The following B4GALT6 variants were observed in gnomAD, a reference collection of about 807,000 sequenced individuals.
The protein encoded by B4GALT6 is beta-1,4-galactosyltransferase 6.
A neutral mutation model predicts 46.3 loss-of-function variants in B4GALT6; 14 were observed. The ratio of observed to expected loss-of-function variants is 0.30; its 90% confidence interval spans 0.20 to 0.47. The LOEUF (loss-of-function observed/expected upper bound fraction) is 0.47, where lower values mean the gene tolerates loss of function less well. Among genes scored for constraint, B4GALT6 ranks in the 20% least tolerant of loss-of-function variants. The probability of loss-of-function intolerance (pLI) is 0.99; values close to 1 mark genes in which losing one functional copy is unlikely to be tolerated. For missense variants in B4GALT6, 386 were observed against 480.1 expected, an observed-to-expected ratio of 0.80 and a Z score of 1.83; for synonymous variants, 168 against 162.0, an observed-to-expected ratio of 1.04 and a Z score of -0.28.
upstream of B4GALT6, among the ~76,000 whole-genome samples, chr18:31,688,886 C>T (rs2030018139): frequency 6.6e-6 from 1 of 152,184 alleles, no homozygotes; most frequent in Admixed American, 6.5e-5. Context: ...TCTTCACACA[C>T]ATTATTTTGC....
intron 1 of B4GALT6, among the ~76,000 whole-genome samples, chr18:31,675,682 G>A (rs1363258084): frequency 6.6e-6 from 1 of 152,124 alleles, no homozygotes; most frequent in African/African-American, 2.4e-5. Context: ...AATCAAGGAA[G>A]GAAGAATGCA....
chr18:31,626,757 T>A (rs1364154105), intron 7 of B4GALT6, among the ~76,000 whole-genome samples: 1 of 152,108 alleles, frequency 6.6e-6, no homozygotes, highest in African/African-American at 2.4e-5. Context: ...GGAAAAATTA[T>A]CTTCCAGGAG....
At chr18:31,652,309 C>T (rs1019966885) in intron 3 of B4GALT6, among the ~76,000 whole-genome samples, 25 of 152,168 alleles carry the variant, frequency 1.6e-4, no homozygotes, top group African/African-American at 5.8e-4. Context: ...GTTCTCCATT[C>T]GTTTTCTGCA....
the B4GALT6 span, among the ~76,000 whole-genome samples, chr18:31,693,382 G>A: frequency 6.6e-6 from 1 of 152,126 alleles, no homozygotes; most frequent in Non-Finnish European, 1.5e-5. Flanking sequence ...GAATGTCATA[G>A]ATGAATATGT....
chr18:31,636,049 A>C (rs1260245654), intron 5 of B4GALT6, among the ~76,000 whole-genome samples: 1 of 152,236 alleles, frequency 6.6e-6, no homozygotes, highest in East Asian at 1.9e-4. Context: ...GATTTTCAAC[A>C]AAGATGCTAA....
intron 6 of B4GALT6, among the ~76,000 whole-genome samples, chr18:31,629,456 T>TTTTTA: frequency 3.0e-5 from 3 of 99,758 alleles, no homozygotes; most frequent in African/African-American, 1.6e-4. Flanking sequence ...GATTTTTTTT[T>TTTTTA]TTTTTTTTTT....
At chr18:31,701,218 G>A in the B4GALT6 span, among the ~76,000 whole-genome samples, 1 of 152,168 alleles carries the variant, frequency 6.6e-6, no homozygotes. Context: ...CCTTGGTGCT[G>A]TTCTTGTGGT....
intron 1 of B4GALT6, among the ~76,000 whole-genome samples, chr18:31,675,003 A>T (rs2074399928): frequency 6.6e-6 from 1 of 152,224 alleles, no homozygotes; most frequent in Non-Finnish European, 1.5e-5. Context: ...AAGCTGACAG[A>T]GTCTGCAAGA....
chr18:31,642,402 A>T (rs2073940828), intron 4 of B4GALT6, among the ~76,000 whole-genome samples: 2 of 152,200 alleles, frequency 1.3e-5, no homozygotes, highest in Admixed American at 6.5e-5. Context: ...GCCAAGACTC[A>T]TCTTTGAGGT....
chr18:31,712,287 A>ACTTTTT, the B4GALT6 span, among the ~76,000 whole-genome samples: 330 of 84,636 alleles, frequency 3.9e-3, 32 homozygotes, highest in African/African-American at 0.015. Flanking sequence ...CTGGGACGTT[A>ACTTTTT]TTTTTTTTTT....
the B4GALT6 span, among the ~76,000 whole-genome samples, chr18:31,710,261 C>A: frequency 6.6e-6 from 1 of 152,034 alleles, no homozygotes; most frequent in African/African-American, 2.4e-5. Context: ...ACTTGAATAA[C>A]AATGAAGCAT....
the B4GALT6 span, among the ~76,000 whole-genome samples, chr18:31,704,975 G>A: frequency 4.5e-4 from 69 of 152,180 alleles, no homozygotes; most frequent in African/African-American, 1.5e-3. Flanking sequence ...AGAATTTGAC[G>A]TAACTTGTAA....
At chr18:31,642,828 G>A (rs555634584) in intron 4 of B4GALT6, among the ~76,000 whole-genome samples, 32 of 152,296 alleles carry the variant, frequency 2.1e-4, no homozygotes, top group African/African-American at 7.7e-4. Context: ...GGGATTACAA[G>A]CCTGCACCAC....
At chr18:31,661,954 T>C (rs2074222562) in intron 2 of B4GALT6, among the ~76,000 whole-genome samples, 1 of 152,188 alleles carries the variant, frequency 6.6e-6, no homozygotes, top group Non-Finnish European at 1.5e-5. Flanking sequence ...TTGGGCTCCT[T>C]CTCTTAGCCA....
chr18:31,689,710 C>T (rs1226769115), upstream of B4GALT6, among the ~76,000 whole-genome samples: 1 of 152,144 alleles, frequency 6.6e-6, no homozygotes, highest in Non-Finnish European at 1.5e-5. Context: ...CACCACCGCA[C>T]TCCATCCTGA....
upstream of B4GALT6, among the ~76,000 whole-genome samples, chr18:31,688,730 T>C (rs1418126971): frequency 6.6e-6 from 1 of 152,146 alleles, no homozygotes; most frequent in African/African-American, 2.4e-5. Flanking sequence ...AGTATTATTA[T>C]GTCCTTCTGA....
At chr18:31,716,370 T>C in the B4GALT6 span, among the ~76,000 whole-genome samples, 1 of 152,216 alleles carries the variant, frequency 6.6e-6, no homozygotes, top group Non-Finnish European at 1.5e-5. Context: ...GGACTGGTTA[T>C]GGCAGTGACA....
chr18:31,623,880 T>G lies in B4GALT6; in HGVS notation c.*1734A>C, dbSNP rs1405326031. 6.6e-6 allele frequency: 1 copy of G among 152,008 alleles called. No individual in the cohort carries two copies. Among genetic ancestry groups the G allele is most frequent in the Non-Finnish European group, 1.5e-5 (1 of 67,856 alleles). The allele number at this position is 152,008 out of a possible 1,614,324, so 9.4% of individuals were successfully genotyped here. On this transcript the variant is annotated 3_prime_UTR_variant, in exon 9 of 9. Coordinates refer to ENST00000306851, the MANE Select transcript of B4GALT6 (RefSeq NM_004775.5). ...AATCTGAGATAAATAACCATAGTTC[T>G]GTTTTAGGTAAACAATCCTTGAGGC...
the B4GALT6 span, among the ~76,000 whole-genome samples, chr18:31,721,767 CAAT>C: frequency 1.8e-4 from 27 of 152,202 alleles, no homozygotes; most frequent in Admixed American, 1.5e-3. Flanking sequence ...AAGACTACAA[CAAT>C]AACTCTTGCC....
Sources: gnomAD v4.1 joint callset for allele counts (sites outside exome capture counted in the v4.1 genomes callset) on GRCh38, gnomAD v4.1.1 for gene constraint, MANE v1.5 for transcripts, NCBI Gene and HGNC (gene_info 2026-07-23, HGNC 2026-07-21) for gene names.